Variants in DLGAP2 observed in about 807,000 individuals in gnomAD.
The protein encoded by DLGAP2 is disks large-associated protein 2.
Under a neutral mutation model 100.3 loss-of-function variants are expected in DLGAP2, and 26 were observed. The ratio of observed to expected loss-of-function variants is 0.26; its 90% CI spans 0.19 to 0.36. The LOEUF is 0.36. Among genes scored for constraint, DLGAP2 ranks in the 10% least tolerant of loss-of-function variants. The pLI, the probability that DLGAP2 is intolerant of heterozygous loss-of-function variation, is 1.00. For synonymous variants in DLGAP2, 886 were observed against 630.1 expected, an observed-to-expected ratio of 1.41 and a Z score of -6.08; for missense variants, 1,858 against 1,453.2, an observed-to-expected ratio of 1.28 and a Z score of -4.53.
intron 3 of DLGAP2, among the ~76,000 whole-genome samples, chr8:1,344,212 G>GGTCTTTGTACTC (rs1801502342): frequency 1.8e-5 from 2 of 108,142 alleles, no homozygotes; most frequent in Non-Finnish European, 3.9e-5. Context: ...CCCTGTCGTG[G>GGTCTTTGTACTC]GGCCTGTGCC....
intron 2 of DLGAP2, among the ~76,000 whole-genome samples, chr8:936,901 G>A (rs536854351): frequency 1.3e-5 from 2 of 152,292 alleles, no homozygotes; most frequent in East Asian, 3.9e-4. Context: ...TTTCACCACC[G>A]TGGACCATTT....
intron 2 of DLGAP2, among the ~76,000 whole-genome samples, chr8:1,007,220 T>G (rs6994779): frequency 2.1e-3 from 316 of 151,970 alleles, no homozygotes; most frequent in Non-Finnish European, 3.8e-3. Context: ...TCTCAAGTCT[T>G]AGGATACGGT....
rs143480128 is a variant in DLGAP2 at position 1,193,691 on chromosome 8, C to T, written c.74-65160C>T. Among the ~76,000 whole-genome samples, 543 of 152,244 alleles carry T rather than the reference C, an allele frequency of 3.6e-3. 3 individuals carry two copies. The highest frequency in any genetic ancestry group is 0.013 in the African/African-American group (525 of 41,540). On this transcript the variant is annotated intron_variant, in intron 2 of 14. Coordinates refer to ENST00000637795, the MANE Select transcript of DLGAP2 (RefSeq NM_001346810.2). ...GATCCCATTGAAGCCACCTGAGTCT[C>T]GCGTGGCTGGCCCTCTCTGCACCTG... is the stretch of plus-strand genomic sequence containing the variant.
chr8:780,505 G>C (rs1445871998), intron 1 of DLGAP2, among the ~76,000 whole-genome samples: 1 of 152,170 alleles, frequency 6.6e-6, no homozygotes, highest in African/African-American at 2.4e-5. Flanking sequence ...GGATTGCTGG[G>C]TCTTGTGCTA....
At chr8:1,212,712 A>G (rs1454104560) in intron 2 of DLGAP2, among the ~76,000 whole-genome samples, 1 of 151,592 alleles carries the variant, frequency 6.6e-6, no homozygotes, top group Non-Finnish European at 1.5e-5. Context: ...ACCTTCTTAT[A>G]TCTTTATTTT....
At chr8:1,424,814 C>T (rs530329006) in intron 3 of DLGAP2, among the ~76,000 whole-genome samples, 3 of 152,158 alleles carry the variant, frequency 2.0e-5, no homozygotes, top group East Asian at 1.9e-4. Context: ...TCCCCTTATA[C>T]GCAGCACCTG....
intron 1 of DLGAP2, among the ~76,000 whole-genome samples, chr8:870,358 GCT>G (rs1797574600): frequency 6.6e-6 from 1 of 152,144 alleles, no homozygotes; most frequent in South Asian, 2.1e-4. Flanking sequence ...GGTACTGACA[GCT>G]CTTAAAACCG....
rs79084923 is a variant in DLGAP2 at position 1,350,233 on chromosome 8, C to A, written c.106+91350C>A. On this transcript the variant is annotated intron_variant, in intron 3 of 14. Coordinates refer to ENST00000637795, the MANE Select transcript of DLGAP2 (RefSeq NM_001346810.2). The stretch of plus-strand genomic sequence containing the variant: ...AAAGGCCGTGCGGGTCCTGAGTGTG[C>A]GTGGAAAGGCCGTGCGGGTCCTGAG... 2.1e-5 allele frequency among the ~76,000 whole-genome samples: 2 copies of A among 96,704 alleles called. 1 individual carries two copies. Among genetic ancestry groups the A allele is most frequent in the Non-Finnish European group, 4.3e-5 (2 of 46,748 alleles). The allele number at this position is 96,704 out of a possible 152,430, so 63.4% of individuals were successfully genotyped here.
chr8:1,280,983 A>C (rs1799802898), intron 3 of DLGAP2, among the ~76,000 whole-genome samples: 1 of 152,210 alleles, frequency 6.6e-6, no homozygotes, highest in Non-Finnish European at 1.5e-5. Context: ...TGGACGAGGA[A>C]TCCTTACGAT....
intron 2 of DLGAP2, among the ~76,000 whole-genome samples, chr8:1,021,650 C>G (rs1801625725): frequency 6.6e-6 from 1 of 152,158 alleles, no homozygotes; most frequent in Non-Finnish European, 1.5e-5. Context: ...AATAAGAACT[C>G]AGCTAAAGAC....
chr8:1,529,281 G>A (rs767590520), intron 4 of DLGAP2, among the ~76,000 whole-genome samples: 2 of 152,168 alleles, frequency 1.3e-5, no homozygotes, highest in African/African-American at 4.8e-5. Flanking sequence ...GAACAGCATG[G>A]GGGATACAGC....
chr8:1,632,237 A>G (rs1037680839), intron 7 of DLGAP2, among the ~76,000 whole-genome samples: 10 of 152,222 alleles, frequency 6.6e-5, no homozygotes, highest in African/African-American at 1.9e-4. Context: ...CAGTACAGCC[A>G]TTTCTTTCTC....
At chr8:1,082,978 A>G (rs1480307373) in intron 2 of DLGAP2, among the ~76,000 whole-genome samples, 1 of 152,234 alleles carries the variant, frequency 6.6e-6, no homozygotes, top group East Asian at 1.9e-4. Context: ...ATGTTAAAAT[A>G]CGTGTCAAAC....
chr8:1,178,232 T>G (rs1797304021), intron 2 of DLGAP2, among the ~76,000 whole-genome samples: 2 of 152,186 alleles, frequency 1.3e-5, no homozygotes, highest in South Asian at 2.1e-4. Context: ...CCAGAGATGA[T>G]TTATGGAGTT....
intron 3 of DLGAP2, among the ~76,000 whole-genome samples, chr8:1,311,531 G>C (rs116254874): frequency 1.3e-5 from 2 of 152,082 alleles, no homozygotes; most frequent in African/African-American, 4.8e-5. Context: ...ATTTTCCACA[G>C]AATACCAGCA....
At chr8:1,667,824 G>A (rs774762436) in intron 8 of DLGAP2, among the ~76,000 whole-genome samples, 55 of 152,206 alleles carry the variant, frequency 3.6e-4, no homozygotes, top group Non-Finnish European at 5.1e-4. Flanking sequence ...ATGCCTGTGC[G>A]CTGTCCTGCG....
At chr8:1,135,503 G>GTTTTTTTTTTTTTTTTTT (rs3080806) in intron 2 of DLGAP2, among the ~76,000 whole-genome samples, 9 of 92,194 alleles carry the variant, frequency 9.8e-5, no homozygotes, top group East Asian at 7.6e-4. Context: ...TTTTTTGTGG[G>GTTTTTTTTTTTTTTTTTT]TTTTTTTTTT....
chr8:1,584,990 T>C (rs1796071602), intron 6 of DLGAP2, among the ~76,000 whole-genome samples: 1 of 152,236 alleles, frequency 6.6e-6, no homozygotes, highest in African/African-American at 2.4e-5. Context: ...TTAAGTACAA[T>C]GAAAGACAAA....
rs902179931 is a variant in DLGAP2, at chr8:1,702,577, G to T, written c.*1171G>T. 1 of 152,404 alleles carries T rather than the reference G, an allele frequency of 6.6e-6. No individual in the cohort carries two copies. The highest frequency in any genetic ancestry group is 2.4e-5 in the African/African-American group (1 of 41,396). The allele number at this position is 152,404 out of a possible 1,614,324, so 9.4% of individuals were successfully genotyped here. On this transcript the variant is annotated 3_prime_UTR_variant, in exon 15 of 15. Transcript: ENST00000637795. ...ATTCCTTGCCTGTGTTAGACATGAA[G>T]GGAAAAAGAGGTCACATATTGTGAT...
Sources: gnomAD v4.1 joint callset for allele counts (sites outside exome capture counted in the v4.1 genomes callset) on GRCh38, gnomAD v4.1.1 for gene constraint, MANE v1.5 for transcripts, NCBI Gene and HGNC (gene_info 2026-07-23, HGNC 2026-07-21) for gene names.